The following IFIH1 variants were observed in gnomAD, a reference collection of about 807,000 sequenced individuals.
IFIH1 encodes the protein interferon induced with helicase C domain 1.
Under a neutral mutation model 107.4 loss-of-function variants are expected in IFIH1, and 125 were observed. The observed-to-expected ratio is 1.16, with a 90% confidence interval of 1.01 to 1.35. IFIH1 has a LOEUF of 1.35. Among genes scored for constraint, IFIH1 ranks in the 40% most tolerant of loss-of-function variants. IFIH1 has a pLI of 0.00. For synonymous variants in IFIH1, 458 were observed against 413.2 expected, an observed-to-expected ratio of 1.11 and a Z score of -1.31; for missense variants, 1,333 against 1,213.7, an observed-to-expected ratio of 1.10 and a Z score of -1.46.
At chr2:162,290,191 C>A (rs1020820643) in intron 4 of IFIH1, among the ~76,000 whole-genome samples, 1 of 151,592 alleles carries the variant, frequency 6.6e-6, no homozygotes, top group Non-Finnish European at 1.5e-5. Flanking sequence ...TTCATTTTTG[C>A]GTAGATTTTA....
At chr2:162,304,693 A>G (rs59640274) in intron 3 of IFIH1, among the ~76,000 whole-genome samples, 5,771 of 152,358 alleles carry the variant, frequency 0.038, 356 homozygotes, top group African/African-American at 0.13. Context: ...TGAATTTGTG[A>G]AATTCTTTTT....
intron 1 of IFIH1, among the ~76,000 whole-genome samples, chr2:162,311,671 A>G (rs893379311): frequency 6.6e-6 from 1 of 152,084 alleles, no homozygotes; most frequent in African/African-American, 2.4e-5. Context: ...TCATTGTCAC[A>G]GTGCATTTCC....
chr2:162,293,331 A>G (rs1683029826), intron 4 of IFIH1, among the ~76,000 whole-genome samples: 1 of 152,014 alleles, frequency 6.6e-6, no homozygotes, highest in South Asian at 2.1e-4. Context: ...AATGTGGCAT[A>G]TGCCAGACCA....
Position 162,318,370 on chromosome 2 carries a change from G to T in IFIH1, c.-63C>A. 7.4e-7 allele frequency: 1 copy of T among 1,351,472 alleles called. No individual in the cohort carries two copies. The highest frequency in any genetic ancestry group is 1.0e-6 in the Non-Finnish European group (1 of 959,934). 83.7% of individuals were successfully genotyped at this position (1,351,472 alleles called of 1,614,324 possible). The stretch of plus-strand genomic sequence containing the variant: ...AGATGGTGCTGTTGTCTGCGGGACA[G>T]GTGAAATGTGCGTGCCGCTGTCCGC... On this transcript the variant is annotated 5_prime_UTR_variant, in exon 1 of 16. In the 5' UTR this introduces an upstream ATG that the reference lacks. Transcript: ENST00000649979.
At chr2:162,294,899 A>G (rs1683057810) in intron 3 of IFIH1, among the ~76,000 whole-genome samples, 1 of 151,972 alleles carries the variant, frequency 6.6e-6, no homozygotes, top group African/African-American at 2.4e-5. Flanking sequence ...GACACATAGT[A>G]TGTTTTAATA....
intron 5 of IFIH1, among the ~76,000 whole-genome samples, chr2:162,284,783 TC>T (rs1388361062): frequency 6.6e-6 from 1 of 152,044 alleles, no homozygotes; most frequent in Non-Finnish European, 1.5e-5. Flanking sequence ...CTCTCATCTT[TC>T]TTCTAGACTG....
intron 2 of IFIH1, among the ~76,000 whole-genome samples, chr2:162,309,898 T>C (rs1259163001): frequency 6.6e-6 from 1 of 152,238 alleles, no homozygotes; most frequent in Non-Finnish European, 1.5e-5. Context: ...GATCAAGTTT[T>C]ATCCCATTTT....
In IFIH1 at chr2:162,318,053, T is replaced by C; in HGVS notation, c.255A>G (p.Arg85=). 1 of 1,614,116 alleles carries C rather than the reference T, an allele frequency of 6.2e-7. No homozygotes were observed. The highest frequency in any genetic ancestry group is 8.5e-7 in the Non-Finnish European group (1 of 1,180,018). The change falls in exon 1 of 16, where the codon AGA becomes AGG. Residue 85 remains arginine, a synonymous_variant. Transcript: ENST00000649979. Reference sequence around the variant, plus strand: ...AGCGGGCGGCCAGAGGGCTGCCGGTTCTCCGGAGGGCCTCCACGAATTCCC... The same window carrying C: ...AGCGGGCGGCCAGAGGGCTGCCGGTCCTCCGGAGGGCCTCCACGAATTCCC... ...WTREFVEALR[R]TGSPLAARYM...
intron 1 of IFIH1, among the ~76,000 whole-genome samples, chr2:162,314,416 TTTTC>T (rs760939547): frequency 0.03 from 1,525 of 51,122 alleles, 47 homozygotes; most frequent in Middle Eastern, 0.037. Flanking sequence ...TCTTTCTTTC[TTTTC>T]TTTCTTTCTT....
intron 11 of IFIH1, among the ~76,000 whole-genome samples, chr2:162,275,921 T>C (rs1691143964): frequency 6.6e-6 from 1 of 152,204 alleles, no homozygotes; most frequent in African/African-American, 2.4e-5. Context: ...ATCTCTAATA[T>C]ATCAAATTCT....
chr2:162,273,758 A>G (rs1691091833), intron 12 of IFIH1, 37 bp downstream of exon 12: 2 of 1,412,702 alleles, frequency 1.4e-6, no homozygotes, highest in Non-Finnish European at 1.9e-6. Flanking sequence ...CACAACAAAT[A>G]AAAATTAACA....
At chr2:162,270,085 T>A (rs886569722) in intron 13 of IFIH1, among the ~76,000 whole-genome samples, 1 of 151,954 alleles carries the variant, frequency 6.6e-6, no homozygotes, top group Non-Finnish European at 1.5e-5. Flanking sequence ...AATCAGGACA[T>A]CAGAAGCTAA....
chr2:162,275,169 C>T (rs1691128263), intron 11 of IFIH1, among the ~76,000 whole-genome samples: 2 of 152,116 alleles, frequency 1.3e-5, no homozygotes, highest in Admixed American at 6.5e-5. Flanking sequence ...CCCCAGTTTA[C>T]AAGGTGAGGA....
intron 7 of IFIH1, among the ~76,000 whole-genome samples, chr2:162,280,713 T>C (rs1394502325): frequency 2.6e-5 from 4 of 152,076 alleles, no homozygotes; most frequent in Admixed American, 6.6e-5. Context: ...ATAATTTGTA[T>C]TGAATTCAAC....
intron 12 of IFIH1, 21 bp from the exon 13 acceptor site, chr2:162,272,408 A>T (rs200480727): frequency 1.9e-5 from 30 of 1,604,370 alleles, no homozygotes; most frequent in Non-Finnish European, 2.5e-5. Context: ...AAATAAATCA[A>T]GTAAATGAAA....
intron 12 of IFIH1, among the ~76,000 whole-genome samples, chr2:162,273,179 T>G (rs1691079173): frequency 6.6e-6 from 1 of 152,188 alleles, no homozygotes; most frequent in Non-Finnish European, 1.5e-5. Flanking sequence ...TATCTATTAA[T>G]CAGCATAACA....
intron 11 of IFIH1, among the ~76,000 whole-genome samples, chr2:162,276,366 G>A (rs1691154972): frequency 6.6e-6 from 1 of 152,198 alleles, no homozygotes; most frequent in South Asian, 2.1e-4. Context: ...ACTTTGGAAG[G>A]CAGAGGCAGA....
intron 3 of IFIH1, among the ~76,000 whole-genome samples, chr2:162,298,780 ACGCG>A (rs1440598668): frequency 6.6e-6 from 1 of 150,990 alleles, no homozygotes; most frequent in African/African-American, 2.5e-5. Flanking sequence ...ACACACACGC[ACGCG>A]CGCGCGCACA....
chr2:162,303,858 A>G (rs1683234290), intron 3 of IFIH1, among the ~76,000 whole-genome samples: 1 of 152,220 alleles, frequency 6.6e-6, no homozygotes, highest in Non-Finnish European at 1.5e-5. Context: ...ATCTTTGATG[A>G]TAAACCCTCA....
Sources: gnomAD v4.1 joint callset for allele counts (sites outside exome capture counted in the v4.1 genomes callset) on GRCh38, gnomAD v4.1.1 for gene constraint, MANE v1.5 for transcripts, NCBI Gene and HGNC (gene_info 2026-07-23, HGNC 2026-07-21) for gene names.